The following CNTN5 variants were observed in gnomAD, a reference collection of about 807,000 sequenced individuals.
CNTN5 encodes contactin-5.
Under a neutral mutation model 129.1 loss-of-function variants are expected in CNTN5, and 77 were observed. The observed-to-expected ratio is 0.60, with a 90% CI of 0.50 to 0.72. The LOEUF (loss-of-function observed/expected upper bound fraction) is 0.72, where lower values mean the gene tolerates loss of function less well. CNTN5 is among the 30% of genes least tolerant of loss of function. CNTN5 has a pLI of 0.00. For missense variants in CNTN5, 1,478 were observed against 1,328.8 expected, an observed-to-expected ratio of 1.11 and a Z score of -1.75; for synonymous variants, 509 against 465.6, an observed-to-expected ratio of 1.09 and a Z score of -1.20.
chr11:99,573,588 AT>A, intron 3 of CNTN5, among the ~76,000 whole-genome samples: 1 of 2,488 alleles, frequency 4.0e-4, no homozygotes, highest in Non-Finnish European at 7.6e-3. Context: ...AAAAATAAAA[AT>A]AAAAAATAAA....
intron 1 of CNTN5, among the ~76,000 whole-genome samples, chr11:99,072,852 A>T (rs915702089): frequency 2.0e-5 from 3 of 152,116 alleles, no homozygotes; most frequent in Admixed American, 2.0e-4. Context: ...CTGTATCTCA[A>T]ATGATTCCTT....
At chr11:99,884,787 A>C (rs996650754) in intron 6 of CNTN5, among the ~76,000 whole-genome samples, 3 of 152,090 alleles carry the variant, frequency 2.0e-5, no homozygotes, top group African/African-American at 7.2e-5. Flanking sequence ...GAACAGCCTG[A>C]CCAAAATGGT....
At chr11:99,109,421 T>A (rs1228525855) in intron 1 of CNTN5, among the ~76,000 whole-genome samples, 1 of 152,076 alleles carries the variant, frequency 6.6e-6, no homozygotes, top group Non-Finnish European at 1.5e-5. Flanking sequence ...AGATAGATAT[T>A]TTTATACTTT....
intron 2 of CNTN5, among the ~76,000 whole-genome samples, chr11:99,532,890 A>G (rs1947766078): frequency 6.6e-6 from 1 of 152,214 alleles, no homozygotes; most frequent in African/African-American, 2.4e-5. Context: ...TATACACACC[A>G]ATAAAGACAA....
At chr11:99,160,180 T>G (rs1312982285) in intron 1 of CNTN5, among the ~76,000 whole-genome samples, 2 of 152,220 alleles carry the variant, frequency 1.3e-5, no homozygotes, top group Non-Finnish European at 2.9e-5. Flanking sequence ...GTACTTGGGC[T>G]AGCTTAAGAA....
intron 1 of CNTN5, among the ~76,000 whole-genome samples, chr11:99,091,810 C>A (rs1321727520): frequency 3.3e-5 from 5 of 152,072 alleles, no homozygotes; most frequent in African/African-American, 1.2e-4. Context: ...TAGAATAGAG[C>A]AGAGGAATGA....
intron 15 of CNTN5, among the ~76,000 whole-genome samples, chr11:100,212,752 A>T (rs2138591363): frequency 6.6e-6 from 1 of 152,254 alleles, no homozygotes; most frequent in African/African-American, 2.4e-5. Flanking sequence ...TTCAAAAAGT[A>T]AAATCTCAGC....
chr11:99,919,980 A>G (rs1212099343), intron 7 of CNTN5, among the ~76,000 whole-genome samples: 10 of 152,034 alleles, frequency 6.6e-5, no homozygotes, highest in Non-Finnish European at 1.3e-4. Flanking sequence ...ATGCAATCAT[A>G]CAATCTGCAA....
At chr11:99,492,746 C>T (rs1246836955) in intron 2 of CNTN5, among the ~76,000 whole-genome samples, 1 of 151,990 alleles carries the variant, frequency 6.6e-6, no homozygotes. Flanking sequence ...AAAATGAAGA[C>T]TCAAAGAAAC....
intron 3 of CNTN5, among the ~76,000 whole-genome samples, chr11:99,732,631 G>C (rs558902487): frequency 1.3e-5 from 2 of 152,306 alleles, no homozygotes; most frequent in African/African-American, 4.8e-5. Context: ...GGACTTGGCA[G>C]CACCATTTGC....
intron 23 of CNTN5, among the ~76,000 whole-genome samples, chr11:100,348,855 A>C (rs541385452): frequency 6.6e-6 from 1 of 152,170 alleles, no homozygotes; most frequent in South Asian, 2.1e-4. Context: ...GCTGCAGTGC[A>C]TATCACACTT....
intron 3 of CNTN5, among the ~76,000 whole-genome samples, chr11:99,562,627 G>A (rs993357360): frequency 6.6e-6 from 1 of 152,044 alleles, no homozygotes; most frequent in African/African-American, 2.4e-5. Flanking sequence ...AATATGATGA[G>A]GGCCTGAAAA....
rs1445338157 is a variant in CNTN5 at position 99,841,636 on chromosome 11, G to GAGGAGGAGGAGAATGA, written c.278-3210_278-3195dup. Among the ~76,000 whole-genome samples, 30 of 147,766 alleles carry GAGGAGGAGGAGAATGA rather than the reference G, an allele frequency of 2.0e-4. No homozygotes were observed. In the East Asian group the frequency reaches 5.3e-3, roughly 26 times the overall value. On this transcript the variant is annotated intron_variant, in intron 4 of 24. Coordinates refer to ENST00000524871, the MANE Select transcript of CNTN5 (RefSeq NM_014361.4). ...AGCAGCAGAAGCAGCATCAGCAGAA[G>GAGGAGGAGGAGAATGA]AGGAGGAGGAGAATGAAGGAGAAGG...
chr11:100,155,928 T>C (rs573560841), intron 13 of CNTN5, among the ~76,000 whole-genome samples: 7 of 152,262 alleles, frequency 4.6e-5, no homozygotes, highest in Admixed American at 4.6e-4. Context: ...GTTTTCTAAA[T>C]ATATAATCTT....
At chr11:99,711,851 T>G (rs1254307079) in intron 3 of CNTN5, among the ~76,000 whole-genome samples, 1 of 152,164 alleles carries the variant, frequency 6.6e-6, no homozygotes, top group Non-Finnish European at 1.5e-5. Context: ...ATGTTGTGTC[T>G]GTGCCACATT....
At chr11:100,215,707 G>A (rs1949125430) in intron 15 of CNTN5, among the ~76,000 whole-genome samples, 1 of 152,084 alleles carries the variant, frequency 6.6e-6, no homozygotes, top group African/African-American at 2.4e-5. Flanking sequence ...GAGAAGCTGG[G>A]GATATTAAAT....
At chr11:99,860,962 T>TA (rs1948186147) in intron 6 of CNTN5, among the ~76,000 whole-genome samples, 1 of 144,054 alleles carries the variant, frequency 6.9e-6, no homozygotes, top group Admixed American at 6.9e-5. Flanking sequence ...TTTTTTTTTT[T>TA]TTTTTTTTTT....
chr11:99,152,883 T>G (rs1860136115), intron 1 of CNTN5, among the ~76,000 whole-genome samples: 1 of 152,212 alleles, frequency 6.6e-6, no homozygotes, highest in African/African-American at 2.4e-5. Context: ...AAAGGTCATA[T>G]TTATTTTTTG....
At chr11:100,315,714 T>A (rs1300356938) in intron 21 of CNTN5, among the ~76,000 whole-genome samples, 1 of 152,190 alleles carries the variant, frequency 6.6e-6, no homozygotes, top group Non-Finnish European at 1.5e-5. Flanking sequence ...AAATTCCAAA[T>A]GTAGACATTA....
Sources: allele counts gnomAD v4.1 joint callset (sites outside exome capture counted in the v4.1 genomes callset), GRCh38; gene constraint gnomAD v4.1.1; transcripts MANE v1.5; gene names NCBI Gene and HGNC (gene_info 2026-07-23, HGNC 2026-07-21).